Variants in WDR4 observed in about 807,000 individuals in gnomAD.
The protein encoded by WDR4 is tRNA (guanine-N(7)-)-methyltransferase non-catalytic subunit WDR4.
In WDR4, 47 loss-of-function variants were observed where a neutral mutation model predicts 48.6. The observed-to-expected ratio is 0.97, with a 90% CI of 0.77 to 1.23. WDR4 has a LOEUF of 1.23. WDR4 is among the 50% of genes most tolerant of loss of function. The pLI, the probability that WDR4 is intolerant of heterozygous loss-of-function variation, is 0.00. For synonymous variants in WDR4, 268 were observed against 230.0 expected, an observed-to-expected ratio of 1.17 and a Z score of -1.49; for missense variants, 606 against 551.6, an observed-to-expected ratio of 1.10 and a Z score of -0.99.
At chr21:42,858,911 C>T (rs1054141736) in intron 6 of WDR4, among the ~76,000 whole-genome samples, 1 of 152,212 alleles carries the variant, frequency 6.6e-6, no homozygotes, top group Non-Finnish European at 1.5e-5. Context: ...CAGGGAAGGA[C>T]AGCGAAGAGG....
At chr21:42,852,607 G>A (rs894608062) in intron 9 of WDR4, among the ~76,000 whole-genome samples, 1 of 152,240 alleles carries the variant, frequency 6.6e-6, no homozygotes, top group East Asian at 1.9e-4. Flanking sequence ...CAGGTAAAAA[G>A]AACTGGATGG....
intron 5 of WDR4, among the ~76,000 whole-genome samples, chr21:42,861,868 A>T (rs2058124004): frequency 6.6e-6 from 1 of 152,196 alleles, no homozygotes; most frequent in South Asian, 2.1e-4. Context: ...GTGTGCTGCC[A>T]CGAGAGACGC....
downstream of WDR4, among the ~76,000 whole-genome samples, chr21:42,847,137 A>C (rs960482695): frequency 6.6e-6 from 1 of 152,226 alleles, no homozygotes; most frequent in Non-Finnish European, 1.5e-5. Context: ...ATAGAAACTA[A>C]AAAAATAACG....
At chr21:42,879,310 G>C in intron 1 of WDR4, 97 bp downstream of exon 1, 1 of 1,541,276 alleles carries the variant, frequency 6.5e-7, no homozygotes. Flanking sequence ...TCACCCCAGA[G>C]TGGGTGCGAC....
At chr21:42,861,524 A>G (rs1382349256) in intron 5 of WDR4, among the ~76,000 whole-genome samples, 1 of 152,068 alleles carries the variant, frequency 6.6e-6, no homozygotes, top group East Asian at 1.9e-4. Flanking sequence ...CCCCAGCGAG[A>G]GATGGTGAAG....
rs568818414 is a variant in WDR4 at position 42,857,982 on chromosome 21, T to A, written c.627+1680A>T. On this transcript the variant is annotated intron_variant, in intron 6 of 10. Coordinates refer to ENST00000398208, the MANE Select transcript of WDR4 (RefSeq NM_018669.6). ...GGTGTGTGCCTGTAATACTAGCTACTCGGGAGGCCTGAGGTGGGAGGATTG... is the reference window on the plus strand; with the variant it reads ...GGTGTGTGCCTGTAATACTAGCTACACGGGAGGCCTGAGGTGGGAGGATTG... Among the ~76,000 whole-genome samples, 13 of 152,092 alleles carry A rather than the reference T, an allele frequency of 8.5e-5. No individual in the cohort carries two copies. In the East Asian group the frequency reaches 2.5e-3, roughly 29 times the overall value.
intron 6 of WDR4, among the ~76,000 whole-genome samples, chr21:42,858,229 G>A (rs1409983678): frequency 6.6e-6 from 1 of 152,210 alleles, no homozygotes; most frequent in Non-Finnish European, 1.5e-5. Flanking sequence ...AAAATCACTG[G>A]CTGTGTGGCC....
At chr21:42,877,845 C>G (rs755227016) in intron 1 of WDR4, among the ~76,000 whole-genome samples, 24 of 151,948 alleles carry the variant, frequency 1.6e-4, no homozygotes, top group Non-Finnish European at 3.4e-4. Context: ...GAGATCGAGA[C>G]CAGCCTGGCT....
intron 3 of WDR4, among the ~76,000 whole-genome samples, chr21:42,864,371 G>A (rs954928560): frequency 2.6e-5 from 4 of 152,002 alleles, no homozygotes; most frequent in African/African-American, 9.7e-5. Context: ...CCCCAGCCTT[G>A]CCGCTCCCCT....
chr21:42,856,779 A>G (rs2058003398), intron 6 of WDR4, among the ~76,000 whole-genome samples: 2 of 152,146 alleles, frequency 1.3e-5, no homozygotes, highest in African/African-American at 4.8e-5. Flanking sequence ...ACACACACGC[A>G]TGCACATACA....
chr21:42,866,761 TGAGA>T (rs1191616500), intron 3 of WDR4, among the ~76,000 whole-genome samples: 1 of 151,974 alleles, frequency 6.6e-6, no homozygotes, highest in Non-Finnish European at 1.5e-5. Flanking sequence ...AATTTCTCAC[TGAGA>T]GAAAGGGTAA....
In WDR4 at chr21:42,863,485, C is replaced by T. The variant is rs774158370; in HGVS notation, c.408G>A (p.Gly136=). Residue 136 remains glycine (G), a synonymous_variant, in exon 4 of 11, where the codon GGG becomes GGA. Transcript: ENST00000398208. ...GGTGCCCCAGCTCTAGACGGCCACA[C>T]CCGTGTGGCTCCAGCACCGAAAAGG... The part of the protein sequence containing the change: ...VYSFSVLEPH[G]CGRLELGHLS... 8.1e-6 allele frequency: 13 copies of T among 1,614,062 alleles called. No homozygotes were observed. Among genetic ancestry groups the T allele is most frequent in the East Asian group, 4.5e-5 (2 of 44,854 alleles).
intron 9 of WDR4, among the ~76,000 whole-genome samples, 194 bp downstream of exon 9, chr21:42,853,375 C>T (rs1217336496): frequency 2.0e-5 from 3 of 152,228 alleles, no homozygotes; most frequent in Admixed American, 6.5e-5. Context: ...CCAGCCACGC[C>T]GGCCTGGCAC....
In WDR4 at chr21:42,852,388, C is replaced by T. The variant is rs575488173; in HGVS notation, c.976-64G>A. 2.6e-5 allele frequency: 40 copies of T among 1,559,414 alleles called. No individual in the cohort carries two copies. The Middle Eastern group carries it at 6.7e-4, about 26-fold the overall frequency. On this transcript the variant is annotated intron_variant, in intron 9 of 10. Coordinates refer to ENST00000398208, the MANE Select transcript of WDR4 (RefSeq NM_018669.6). The stretch of plus-strand genomic sequence containing the variant: ...CAGGCCTGGAAACCCAGCACCAGGA[C>T]GCAACACATGCTGGCCAGAGAGGCT...
At chr21:42,856,428 C>T (rs1449098879) in intron 6 of WDR4, among the ~76,000 whole-genome samples, 1 of 151,932 alleles carries the variant, frequency 6.6e-6, no homozygotes, top group Non-Finnish European at 1.5e-5. Context: ...GGGGTCTATT[C>T]CACACTGCCC....
chr21:42,847,989 GC>G (rs1235481907), downstream of WDR4, among the ~76,000 whole-genome samples: 1 of 152,342 alleles, frequency 6.6e-6, no homozygotes, highest in Non-Finnish European at 1.5e-5. Context: ...GCCCAGCATG[GC>G]CCCTGCCTTC....
chr21:42,884,489 A>G (rs2058624698), upstream of WDR4, among the ~76,000 whole-genome samples: 1 of 152,194 alleles, frequency 6.6e-6, no homozygotes, highest in East Asian at 1.9e-4. Context: ...TCTACTAAAA[A>G]TACAAAAATT....
In WDR4 at chr21:42,863,920, C is replaced by A. The variant is rs377763954; in HGVS notation, c.297-324G>T. On this transcript the variant is annotated intron_variant, in intron 3 of 10. Transcript: ENST00000398208. ...AGGAGATTGAGACCATTCTGGCTAACACGGTGAAAACCCCGTCTCTACTAA... is the reference window on the plus strand; with the variant it reads ...AGGAGATTGAGACCATTCTGGCTAAAACGGTGAAAACCCCGTCTCTACTAA... 2.3e-3 allele frequency among the ~76,000 whole-genome samples: 193 copies of A among 83,002 alleles called. 7 individuals carry two copies. Among genetic ancestry groups the A allele is most frequent in the African/African-American group, 0.016 (157 of 9,622 alleles). The allele number at this position is 83,002 out of a possible 152,430, so 54.5% of individuals were successfully genotyped here.
At chr21:42,844,482 A>G (rs193130790), downstream of WDR4, among the ~76,000 whole-genome samples, 1 of 152,332 alleles carries the variant, frequency 6.6e-6, no homozygotes, top group East Asian at 1.9e-4. Context: ...GAGACTTCCG[A>G]GAACGGAGGC....
Sources: allele counts gnomAD v4.1 joint callset (sites outside exome capture counted in the v4.1 genomes callset), GRCh38; gene constraint gnomAD v4.1.1; transcripts MANE v1.5; gene names NCBI Gene and HGNC (gene_info 2026-07-23, HGNC 2026-07-21).